Variants in PLA2G4E observed in about 807,000 individuals in gnomAD.
The protein encoded by PLA2G4E is cytosolic phospholipase A2 epsilon.
A neutral mutation model predicts 109.1 loss-of-function variants in PLA2G4E; 84 were observed. That is an observed-to-expected ratio of 0.77 (90% CI 0.65 to 0.92). PLA2G4E has a LOEUF of 0.92. Among genes scored for constraint, PLA2G4E ranks in the 40% least tolerant of loss-of-function variants. The pLI is 0.00. For synonymous variants in PLA2G4E, 469 were observed against 436.1 expected (o/e 1.08, Z -0.94); for missense variants, 1,057 against 1,076.6 (o/e 0.98, Z 0.25).
intron 11 of PLA2G4E, 123 bp downstream of exon 11, chr15:41,997,001 C>T (rs2068352809): frequency 6.2e-6 from 8 of 1,296,866 alleles, no homozygotes; most frequent in East Asian, 2.7e-5. Flanking sequence ...GGCGCCTGTA[C>T]CTCAGCAGTA....
chr15:42,026,737 C>A (rs957030670), intron 1 of PLA2G4E, among the ~76,000 whole-genome samples: 1 of 152,076 alleles, frequency 6.6e-6, no homozygotes, highest in Non-Finnish European at 1.5e-5. Flanking sequence ...CTGTGAGAGG[C>A]CGAGGTGGGA....
At chr15:42,013,014 G>A (rs1566844306) in intron 2 of PLA2G4E, among the ~76,000 whole-genome samples, 1 of 152,242 alleles carries the variant, frequency 6.6e-6, no homozygotes, top group Non-Finnish European at 1.5e-5. Context: ...GGGTGGGGAG[G>A]ATTCTGCCCA....
chr15:41,984,308 G>A (rs1255381300), intron 19 of PLA2G4E, 128 bp downstream of exon 19: 2 of 1,028,520 alleles, frequency 1.9e-6, no homozygotes, highest in African/African-American at 3.2e-5. Context: ...CTTTGTGGAA[G>A]CCAAGGTTGG....
At chr15:41,987,112 C>T in intron 17 of PLA2G4E, 60 bp downstream of exon 17, 1 of 1,517,286 alleles carries the variant, frequency 6.6e-7, no homozygotes, top group Non-Finnish European at 9.1e-7. Context: ...GCAGCCTTGA[C>T]ATCCACATCT....
At chr15:42,031,074 C>A (rs111532177) in intron 1 of PLA2G4E, among the ~76,000 whole-genome samples, 20,293 of 152,070 alleles carry the variant, frequency 0.13, 1,614 homozygotes, top group South Asian at 0.19. Flanking sequence ...CTCCAGTGAT[C>A]CTCTCACTTC....
intron 1 of PLA2G4E, among the ~76,000 whole-genome samples, chr15:42,029,545 C>T (rs1311409636): frequency 1.3e-5 from 2 of 152,232 alleles, no homozygotes; most frequent in Non-Finnish European, 2.9e-5. Flanking sequence ...AAGCCTTCTG[C>T]ACACTGAGTT....
chr15:42,000,574 A>G (rs1312678152), intron 7 of PLA2G4E, among the ~76,000 whole-genome samples: 2 of 152,192 alleles, frequency 1.3e-5, no homozygotes, highest in Admixed American at 6.5e-5. Context: ...AGATGCCCCA[A>G]AGTAACCTGC....
At chr15:42,032,537 C>T (rs1889132067) in intron 1 of PLA2G4E, among the ~76,000 whole-genome samples, 1 of 152,202 alleles carries the variant, frequency 6.6e-6, no homozygotes, top group Non-Finnish European at 1.5e-5. Flanking sequence ...TGTCCATTTG[C>T]ATTTAGGAAG....
rs149441931 is a variant in PLA2G4E, at chr15:41,996,621, C to T, written c.1110+503G>A. Reference sequence around the variant, plus strand: ...AACAGAGGGCTGTGACAGAGGCCCACCGTCTGCTCCCGTGGGAAGAAGGGG... The same window carrying T: ...AACAGAGGGCTGTGACAGAGGCCCATCGTCTGCTCCCGTGGGAAGAAGGGG... On this transcript the variant is annotated intron_variant, in intron 11 of 19. Transcript: ENST00000399518. Among the ~76,000 whole-genome samples, 1,217 of 152,288 alleles carry T rather than the reference C, an allele frequency of 8.0e-3. 10 individuals are homozygous for T. The highest frequency in any genetic ancestry group is 0.028 in the African/African-American group (1,149 of 41,566).
chr15:42,007,490 A>G (rs540750738), intron 3 of PLA2G4E, among the ~76,000 whole-genome samples: 2 of 152,150 alleles, frequency 1.3e-5, no homozygotes, highest in Non-Finnish European at 2.9e-5. Flanking sequence ...TTCAGCAACA[A>G]TTAGGACAAG....
intron 1 of PLA2G4E, among the ~76,000 whole-genome samples, chr15:42,049,617 G>A (rs914838451): frequency 6.6e-6 from 1 of 152,198 alleles, no homozygotes; most frequent in African/African-American, 2.4e-5. Context: ...TTGGGGCTCA[G>A]GATGGACCCT....
At chr15:42,044,011 A>G (rs1249692982) in intron 1 of PLA2G4E, among the ~76,000 whole-genome samples, 1 of 152,206 alleles carries the variant, frequency 6.6e-6, no homozygotes, top group African/African-American at 2.4e-5. Context: ...CAAGGTTGGC[A>G]TGGGCTGGAG....
At chr15:42,000,900 G>A (rs1048462609) in intron 7 of PLA2G4E, among the ~76,000 whole-genome samples, 1 of 152,200 alleles carries the variant, frequency 6.6e-6, no homozygotes, top group Non-Finnish European at 1.5e-5. Flanking sequence ...CGTGGATAGA[G>A]GGAGCAGCAC....
chr15:42,010,144 C>CCCG (rs59057790), intron 2 of PLA2G4E: 2 of 502,518 alleles, frequency 4.0e-6, no homozygotes, highest in Non-Finnish European at 8.1e-6. Context: ...CCCCCCACCC[C>CCCG]GGGCCTGGAC....
Position 41,986,085 on chromosome 15 carries a change from G to A in PLA2G4E, c.2036-80C>T, listed in dbSNP as rs73395658. ...ACAGAGGCACTTGGGGGGACGGAGC[G>A]CCCTGTCTGGAGCATCCTTCGCCTC... On this transcript the variant is annotated intron_variant, in intron 17 of 19. Coordinates refer to ENST00000399518, the Ensembl canonical transcript of PLA2G4E. The A allele has an allele frequency of 1.2e-3, 1,804 of 1,445,920 alleles. 22 individuals carry two copies. In the African/African-American group the frequency reaches 0.022, roughly 18 times the overall value. 89.6% of individuals were successfully genotyped at this position (1,445,920 alleles called of 1,614,324 possible).
At chr15:41,983,545 G>T in exon 20 of PLA2G4E, 2 of 587,304 alleles carry the variant, frequency 3.4e-6, no homozygotes, top group Non-Finnish European at 6.0e-6. Flanking sequence ...ACTCTAGTGG[G>T]TATAAAACCC....
exon 12 of PLA2G4E, chr15:41,995,470 A>G (rs754851085): frequency 1.2e-6 from 2 of 1,613,944 alleles, no homozygotes; most frequent in South Asian, 2.2e-5. Flanking sequence ...TTCCACCCCC[A>G]GTGGCCATGA....
chr15:42,014,484 T>C (rs2068569461), intron 1 of PLA2G4E, among the ~76,000 whole-genome samples: 1 of 152,168 alleles, frequency 6.6e-6, no homozygotes, highest in Non-Finnish European at 1.5e-5. Context: ...CTGTCCCACA[T>C]GCAGATATTT....
intron 2 of PLA2G4E, among the ~76,000 whole-genome samples, chr15:42,012,797 G>C (rs1011218340): frequency 6.6e-6 from 1 of 152,210 alleles, no homozygotes; most frequent in African/African-American, 2.4e-5. Flanking sequence ...CCCCTCTCAG[G>C]CCCTCCCTAG....
Sources: allele counts gnomAD v4.1 joint callset (sites outside exome capture counted in the v4.1 genomes callset), GRCh38; gene constraint gnomAD v4.1.1; transcripts MANE v1.5; gene names NCBI Gene and HGNC (gene_info 2026-07-23, HGNC 2026-07-21).